Variants in TPRG1 observed in about 807,000 individuals in gnomAD.
The protein encoded by TPRG1 is tumor protein p63-regulated gene 1 protein.
A neutral mutation model predicts 29.3 loss-of-function variants in TPRG1; 29 were observed. The observed-to-expected ratio is 0.99, with a 90% CI of 0.74 to 1.35. TPRG1 has a LOEUF of 1.35. TPRG1 is among the 40% of genes most tolerant of loss of function. The pLI is 0.00. For synonymous variants in TPRG1, 130 were observed against 116.8 expected, an observed-to-expected ratio of 1.11 and a Z score of -0.73; for missense variants, 327 against 335.0, an observed-to-expected ratio of 0.98 and a Z score of 0.19.
At chr3:189,215,171 T>C in intron 2 of TPRG1, 121 bp from the exon 3 acceptor site, 1 of 698,846 alleles carries the variant, frequency 1.4e-6, no homozygotes, top group Non-Finnish European at 2.2e-6. Flanking sequence ...TACAGGCAAC[T>C]GCATAAACTA....
At chr3:189,290,366 C>T (rs1418108787) in intron 4 of TPRG1, among the ~76,000 whole-genome samples, 1 of 152,228 alleles carries the variant, frequency 6.6e-6, no homozygotes, top group African/African-American at 2.4e-5. Flanking sequence ...CTCACACACT[C>T]ATGTCTACAT....
At chr3:189,229,304 A>G (rs77883832) in intron 3 of TPRG1, among the ~76,000 whole-genome samples, 1 of 152,212 alleles carries the variant, frequency 6.6e-6, no homozygotes, top group Non-Finnish European at 1.5e-5. Flanking sequence ...CAAAAAAAAA[A>G]TAGCTAAAGC....
At chr3:189,185,519 C>A (rs1277193075) in intron 1 of TPRG1, among the ~76,000 whole-genome samples, 1 of 152,170 alleles carries the variant, frequency 6.6e-6, no homozygotes, top group African/African-American at 2.4e-5. Context: ...AGCCACTGCA[C>A]CCAGCCTGGC....
At chr3:189,032,121 A>T (rs575707957) in intron 4 of TPRG1, among the ~76,000 whole-genome samples, 1 of 152,248 alleles carries the variant, frequency 6.6e-6, no homozygotes. Context: ...GTTAAAGATT[A>T]TAAGACAAAA....
At chr3:189,028,112 A>G (rs758388422) in intron 4 of TPRG1, among the ~76,000 whole-genome samples, 1 of 152,222 alleles carries the variant, frequency 6.6e-6, no homozygotes, top group Non-Finnish European at 1.5e-5. Context: ...GGAAACCCAC[A>G]TTCTGGTGAA....
At chr3:189,197,783 C>G (rs970475297) in intron 1 of TPRG1, among the ~76,000 whole-genome samples, 2 of 152,100 alleles carry the variant, frequency 1.3e-5, no homozygotes, top group Non-Finnish European at 2.9e-5. Context: ...CAAAACCAAA[C>G]ACATAAACAA....
At chr3:189,123,943 A>G (rs1361928911) in intron 1 of TPRG1, among the ~76,000 whole-genome samples, 6 of 152,020 alleles carry the variant, frequency 3.9e-5, no homozygotes, top group African/African-American at 1.4e-4. Flanking sequence ...CAACTCACCT[A>G]TTTGCCAATT....
chr3:189,222,272 G>A (rs1258048257), intron 3 of TPRG1, among the ~76,000 whole-genome samples: 2 of 152,100 alleles, frequency 1.3e-5, no homozygotes, highest in Non-Finnish European at 2.9e-5. Context: ...GTCTCATTAT[G>A]TTATCAGGAC....
intron 4 of TPRG1, among the ~76,000 whole-genome samples, chr3:189,085,651 A>G (rs998714580): frequency 1.3e-5 from 2 of 152,192 alleles, no homozygotes; most frequent in Non-Finnish European, 2.9e-5. Flanking sequence ...ATTTGAAGCA[A>G]ATATACTGAG....
At chr3:189,023,271 A>T (rs1452331819) in intron 3 of TPRG1, among the ~76,000 whole-genome samples, 1 of 151,406 alleles carries the variant, frequency 6.6e-6, no homozygotes, top group Non-Finnish European at 1.5e-5. Context: ...GAGATTCTTT[A>T]CTCCACTTGG....
chr3:189,273,172 C>A (rs1210483782), intron 4 of TPRG1, among the ~76,000 whole-genome samples: 1 of 152,172 alleles, frequency 6.6e-6, no homozygotes, highest in East Asian at 1.9e-4. Context: ...TGTAGCTATA[C>A]AGAATCAAGA....
intron 1 of TPRG1, among the ~76,000 whole-genome samples, chr3:189,107,719 C>T (rs1719992027): frequency 6.6e-6 from 1 of 152,082 alleles, no homozygotes; most frequent in African/African-American, 2.4e-5. Flanking sequence ...GTGCATATCC[C>T]TGTAAGTTTT....
intron 1 of TPRG1, among the ~76,000 whole-genome samples, chr3:189,109,301 G>C (rs1481907536): frequency 6.6e-6 from 1 of 152,214 alleles, no homozygotes; most frequent in Non-Finnish European, 1.5e-5. Flanking sequence ...TGTCTAGTGC[G>C]TGTGGTGCGG....
intron 1 of TPRG1, chr3:189,207,052 T>C (rs1277721575): frequency 2.3e-6 from 1 of 432,294 alleles, no homozygotes; most frequent in Non-Finnish European, 3.1e-6. Context: ...AAAAATGCTA[T>C]GCAATTTTGA....
chr3:189,245,091 T>G (rs1741182572), intron 4 of TPRG1, among the ~76,000 whole-genome samples: 1 of 152,096 alleles, frequency 6.6e-6, no homozygotes, highest in Admixed American at 6.5e-5. Flanking sequence ...CAGCTAATTT[T>G]TTGTATTTTT....
intron 4 of TPRG1, among the ~76,000 whole-genome samples, chr3:189,254,106 C>T (rs1386677934): frequency 1.3e-5 from 2 of 152,238 alleles, no homozygotes; most frequent in African/African-American, 2.4e-5. Flanking sequence ...ATGCCTATGT[C>T]CTGAATGGTA....
chr3:189,106,400 C>T (rs889433965), intron 1 of TPRG1, among the ~76,000 whole-genome samples: 5 of 152,072 alleles, frequency 3.3e-5, no homozygotes, highest in African/African-American at 9.7e-5. Flanking sequence ...TTGTTGCCCC[C>T]GACCCCAGTC....
chr3:189,050,185 T>C (rs946454104), intron 4 of TPRG1, among the ~76,000 whole-genome samples: 5 of 152,010 alleles, frequency 3.3e-5, no homozygotes, highest in African/African-American at 9.7e-5. Context: ...TGATAGACCA[T>C]TGGCAAGATT....
intron 1 of TPRG1, among the ~76,000 whole-genome samples, chr3:189,196,018 G>A (rs1382696289): frequency 6.6e-6 from 1 of 152,150 alleles, no homozygotes; most frequent in East Asian, 1.9e-4. Context: ...CCATCTTGCT[G>A]ACATCACCTC....
Sources: allele counts gnomAD v4.1 joint callset (sites outside exome capture counted in the v4.1 genomes callset), GRCh38; gene constraint gnomAD v4.1.1; transcripts MANE v1.5; gene names NCBI Gene and HGNC (gene_info 2026-07-23, HGNC 2026-07-21).